Variants in TIMM50 observed in about 807,000 individuals in gnomAD.
TIMM50 encodes translocase of inner mitochondrial membrane 50.
TIMM50 carries 34 observed loss-of-function variants against 49.6 expected under a neutral mutation model. The observed-to-expected ratio is 0.69, with a 90% CI of 0.52 to 0.91. The LOEUF (loss-of-function observed/expected upper bound fraction) is 0.91, where lower values mean the gene tolerates loss of function less well. TIMM50 is among the 40% of genes least tolerant of loss of function. TIMM50 has a pLI of 0.00. For missense variants in TIMM50, 458 were observed against 477.8 expected (o/e 0.96, Z 0.39); for synonymous variants, 199 against 198.4 (o/e 1.00, Z -0.03).
chr19:39,480,876 T>A lies in TIMM50; in HGVS notation c.23T>A (p.Phe8Tyr). The A allele has an allele frequency of 1.9e-6, 3 of 1,600,200 alleles. No homozygotes were observed. The highest frequency in any genetic ancestry group is 2.6e-6 in the Non-Finnish European group (3 of 1,176,130). ...AAGATGGCGGCCTCGGCAGCGGTGT[T>A]CTCGCGCTTGCGAAGCGGGCTCCGG... is the stretch of plus-strand genomic sequence containing the variant. MAASAAV[F>Y]SRLRSGLRLG... is the part of the protein sequence containing the mutation. Residue 8 changes from phenylalanine to tyrosine, a missense_variant, in exon 1 of 11, where the codon TTC becomes TAC. Coordinates refer to ENST00000607714, the MANE Select transcript of TIMM50 (RefSeq NM_001001563.5).
chr19:39,484,899 T>TA (rs1342951218), intron 4 of TIMM50: 2 of 152,594 alleles, frequency 1.3e-5, no homozygotes, highest in Non-Finnish European at 2.9e-5. Flanking sequence ...CTGTCTCTAT[T>TA]AAAAAAGTAT....
intron 10 of TIMM50, 129 bp downstream of exon 10, chr19:39,488,774 T>A (rs1600742795): frequency 1.4e-6 from 1 of 696,536 alleles, no homozygotes; most frequent in East Asian, 2.7e-5. Flanking sequence ...TCTGCCTCAG[T>A]CTCTGTAACC....
At position 39,488,147 on chromosome 19, in the gene TIMM50, C is replaced by T. The variant is rs201425913; in HGVS notation, c.783C>T (p.Gly261=). 372 of 1,614,080 alleles carry T rather than the reference C, an allele frequency of 2.3e-4. No homozygotes were observed. Among genetic ancestry groups the T allele is most frequent in the South Asian group, 9.8e-4 (89 of 91,084 alleles). Residue 261 remains glycine, a synonymous_variant, in exon 9 of 11, where the codon GGC becomes GGT. Coordinates refer to ENST00000607714, the MANE Select transcript of TIMM50 (RefSeq NM_001001563.5). ...CCTTCCGCCTGCAGCCCTATAACGG[C>T]GTTGCCCTGCGGCCCTGGGACGGCA... ...KEAFRLQPYN[G]VALRPWDGNS... is the part of the protein sequence containing the mutation.
In TIMM50 at chr19:39,480,900, G is replaced by A. The variant is rs1292700572; in HGVS notation, c.47G>A (p.Arg16Gln). 4.4e-6 allele frequency: 7 copies of A among 1,594,432 alleles called. No homozygotes were observed. In the East Asian group the frequency reaches 1.4e-4, roughly 31 times the overall value. Residue 16 changes from arginine to glutamine, a missense_variant, in exon 1 of 11, where the codon CGG (arginine) becomes CAG (glutamine). Arg to Gln is a conservative substitution (Grantham distance 43, BLOSUM62 1). Coordinates refer to ENST00000607714, the MANE Select transcript of TIMM50 (RefSeq NM_001001563.5). ...TTCTCGCGCTTGCGAAGCGGGCTCCGGCTCGGCTCGCGGGGACTGTGCACG... is the reference window on the plus strand; with the variant it reads ...TTCTCGCGCTTGCGAAGCGGGCTCCAGCTCGGCTCGCGGGGACTGTGCACG... The part of the protein sequence containing the change: ...AVFSRLRSGL[R>Q]LGSRGLCTRL...
rs1286818549 is a variant in TIMM50 at position 39,491,691 on chromosome 19, G to A, written c.*1871G>A. The A allele has an allele frequency of 6.6e-6, 1 of 151,606 alleles. No homozygotes were observed. 9.4% of individuals were successfully genotyped at this position (151,606 alleles called of 1,614,324 possible). On this transcript the variant is annotated 3_prime_UTR_variant, in exon 11 of 11. Coordinates refer to ENST00000607714, the MANE Select transcript of TIMM50 (RefSeq NM_001001563.5). ...AAAGTAACGAGCCCAGCGAGGTTAT[G>A]CATACCTGTAGTCCCAGCTACGTGA...
intron 8 of TIMM50, 102 bp from the exon 9 acceptor site, chr19:39,487,959 T>A: frequency 6.9e-7 from 1 of 1,443,062 alleles, no homozygotes; most frequent in Non-Finnish European, 9.2e-7. Flanking sequence ...GATCCCAGTA[T>A]GTGTGATGCT....
chr19:39,486,600 GC>G, intron 8 of TIMM50, 105 bp downstream of exon 8: 1 of 1,036,148 alleles, frequency 9.7e-7, no homozygotes, highest in Non-Finnish European at 1.5e-6. Context: ...TTATGGTTCT[GC>G]CCAGATTCGA....
Position 39,488,601 on chromosome 19 carries a change from G to A in TIMM50, c.916G>A (p.Asp306Asn), listed in dbSNP as rs764441438. Residue 306 changes from aspartate (D) to asparagine (N), a missense_variant, in exon 10 of 11, where the codon GAC becomes AAC. Physicochemically the swap from Asp to Asn is conservative, Grantham distance 23. Transcript: ENST00000607714. ...TVLEHYALED[D>N]PLAAFKQRQS... ...GCTGGAGCACTATGCCCTGGAGGAT[G>A]ACCCGCTGGCGGCTTTCAAACAGCG... is the stretch of plus-strand genomic sequence containing the variant. The A allele has an allele frequency of 1.3e-5, 21 of 1,613,614 alleles. No homozygotes were observed. The highest frequency in any genetic ancestry group is 1.7e-5 in the Non-Finnish European group (20 of 1,180,024).
rs887958927 is a variant in TIMM50 at position 39,492,353 on chromosome 19, C to T, written c.*2533C>T. On this transcript the variant is annotated 3_prime_UTR_variant, in exon 11 of 11. Transcript: ENST00000607714. ...GAAGAAAGTTCTTGTCTCAGGCTAGCTTTGGGGACCAAATGAAGCACTCCC... is the reference window on the plus strand; with the variant it reads ...GAAGAAAGTTCTTGTCTCAGGCTAGTTTTGGGGACCAAATGAAGCACTCCC... 2.0e-5 allele frequency: 3 copies of T among 151,042 alleles called. No individual in the cohort carries two copies. Among genetic ancestry groups the T allele is most frequent in the Non-Finnish European group, 4.4e-5 (3 of 67,886 alleles). The allele number at this position is 151,042 out of a possible 1,614,324, so 9.4% of individuals were successfully genotyped here.
chr19:39,485,670 C>G lies in TIMM50; in HGVS notation c.373-18C>G, dbSNP rs368706990. 1 of 1,614,142 alleles carries G rather than the reference C, an allele frequency of 6.2e-7. No homozygotes were observed. Among genetic ancestry groups the G allele is most frequent in the East Asian group, 2.2e-5 (1 of 44,882 alleles). On this transcript the variant is annotated intron_variant, in intron 5 of 10. Coordinates refer to ENST00000607714, the MANE Select transcript of TIMM50 (RefSeq NM_001001563.5). ...GGCCTCCTTGTCTGAGCGCCCCCAT[C>G]CTGTCCCTCTCCCACAGATGATCAT...
In TIMM50 at chr19:39,492,262, C is replaced by G. The variant is rs1292636057; in HGVS notation, c.*2442C>G. Reference sequence around the variant, plus strand: ...CAGGAGGCCGAGGTGGGAGGATCGCCTGAGGCCAGGAGTTGGAGAGCAGCC... The same window carrying G: ...CAGGAGGCCGAGGTGGGAGGATCGCGTGAGGCCAGGAGTTGGAGAGCAGCC... On this transcript the variant is annotated 3_prime_UTR_variant, in exon 11 of 11. Transcript: ENST00000607714. The G allele has an allele frequency of 6.6e-6, 1 of 151,210 alleles. No homozygotes were observed. The highest frequency in any genetic ancestry group is 1.5e-5 in the Non-Finnish European group (1 of 67,922). The allele number at this position is 151,210 out of a possible 1,614,324, so 9.4% of individuals were successfully genotyped here.
chr19:39,488,184 C>A lies in TIMM50; in HGVS notation c.820C>A (p.Arg274=). The A allele has an allele frequency of 1.2e-6, 2 of 1,613,916 alleles. No individual in the cohort carries two copies. The highest frequency in any genetic ancestry group is 2.2e-5 in the South Asian group (2 of 91,076). ...GCCCTGGGACGGCAACTCTGATGAC[C>A]GGGTCTTGTTGGATCTGTCTGCCTT... ...LRPWDGNSDD[R]VLLDLSAFLK... Residue 274 remains arginine, a synonymous_variant, in exon 9 of 11, where the codon CGG becomes AGG. Coordinates refer to ENST00000607714, the MANE Select transcript of TIMM50 (RefSeq NM_001001563.5).
intron 1 of TIMM50, 117 bp downstream of exon 1, chr19:39,481,078 G>T (rs2079467950): frequency 7.5e-7 from 1 of 1,326,464 alleles, no homozygotes; most frequent in Admixed American, 3.1e-5. Flanking sequence ...ATGAAACGCC[G>T]CTTGTGTTTT....
rs758633207 is a variant in TIMM50, at chr19:39,481,894, C to A, written c.120C>A (p.Ile40=). 1 of 1,613,104 alleles carries A rather than the reference C, an allele frequency of 6.2e-7. No homozygotes were observed. Residue 40 remains isoleucine, a synonymous_variant, in exon 2 of 11, where the codon ATC becomes ATA. Coordinates refer to ENST00000607714, the MANE Select transcript of TIMM50 (RefSeq NM_001001563.5). ...TTTCTCAACCGCAGGCCGCAGAGATCGGGAGCCGCGGGAGCACTAAGGCGC... is the reference window on the plus strand; with the variant it reads ...TTTCTCAACCGCAGGCCGCAGAGATAGGGAGCCGCGGGAGCACTAAGGCGC... The part of the protein sequence containing the change: ...PRRAPDQAAE[I]GSRGSTKAQG...
chr19:39,490,230 T>C lies in TIMM50; in HGVS notation c.*410T>C, dbSNP rs992614270. 1 of 167,948 alleles carries C rather than the reference T, an allele frequency of 6.0e-6. No individual in the cohort carries two copies. The highest frequency in any genetic ancestry group is 1.3e-5 in the Non-Finnish European group (1 of 77,492). 10.4% of individuals were successfully genotyped at this position (167,948 alleles called of 1,614,324 possible). A position where few individuals can be genotyped will look rare whatever the true frequency, so the allele number is the denominator to read the frequency against. ...AGGCTACTGTGGAGAGAATGTGTTA[T>C]GGGCCTAGTGGGCCTCTGGTGGACC... On this transcript the variant is annotated 3_prime_UTR_variant, in exon 11 of 11. Coordinates refer to ENST00000607714, the MANE Select transcript of TIMM50 (RefSeq NM_001001563.5).
intron 3 of TIMM50, 100 bp downstream of exon 3, chr19:39,483,016 C>G (rs184831466): frequency 1.2e-6 from 2 of 1,606,438 alleles, no homozygotes; most frequent in Non-Finnish European, 8.5e-7. Flanking sequence ...CTGGAGTGAG[C>G]CTTTCTTTCC....
chr19:39,493,200 C>T lies in TIMM50; in HGVS notation c.*3380C>T, dbSNP rs1448426889. 1 of 151,952 alleles carries T rather than the reference C, an allele frequency of 6.6e-6. No homozygotes were observed. Among genetic ancestry groups the T allele is most frequent in the Non-Finnish European group, 1.5e-5 (1 of 68,010 alleles). The allele number at this position is 151,952 out of a possible 1,614,324, so 9.4% of individuals were successfully genotyped here. On this transcript the variant is annotated 3_prime_UTR_variant, in exon 11 of 11. Coordinates refer to ENST00000607714, the MANE Select transcript of TIMM50 (RefSeq NM_001001563.5). The stretch of plus-strand genomic sequence containing the variant: ...GCCGGTGGAGTTATTTCCCAAAATC[C>T]TTGGTCCTTCCCAGCTTGAGGAAGT...
At position 39,492,077 on chromosome 19, in the gene TIMM50, T is replaced by C. The variant is rs2079549209; in HGVS notation, c.*2257T>C. ...TGACAGTACCACTGTGTATTAAGAG[T>C]ATGAGTCCCAGATTGTGTAAGTTCA... is the stretch of plus-strand genomic sequence containing the variant. On this transcript the variant is annotated 3_prime_UTR_variant, in exon 11 of 11. Transcript: ENST00000607714. 1 of 152,036 alleles carries C rather than the reference T, an allele frequency of 6.6e-6. No homozygotes were observed. The highest frequency in any genetic ancestry group is 2.4e-5 in the African/African-American group (1 of 41,378). The allele number at this position is 152,036 out of a possible 1,614,324, so 9.4% of individuals were successfully genotyped here. A position where few individuals can be genotyped will look rare whatever the true frequency, so the allele number is the denominator to read the frequency against.
chr19:39,482,386 G>A (rs1224103142), intron 2 of TIMM50, among the ~76,000 whole-genome samples: 2 of 152,106 alleles, frequency 1.3e-5, no homozygotes, highest in African/African-American at 4.8e-5. Flanking sequence ...GGCCGGGCAC[G>A]GTGGCTCACG....
Sources: allele counts gnomAD v4.1 joint callset (sites outside exome capture counted in the v4.1 genomes callset), GRCh38; gene constraint gnomAD v4.1.1; transcripts MANE v1.5; gene names NCBI Gene and HGNC (gene_info 2026-07-23, HGNC 2026-07-21).